UBR1: variants seen among roughly 807,000 people sequenced by gnomAD.
The protein encoded by UBR1 is ubiquitin protein ligase E3 component n-recognin 1, also known as E3 ubiquitin-protein ligase UBR1.
In UBR1, 102 loss-of-function variants were observed where a neutral mutation model predicts 242.1. That is an observed-to-expected ratio of 0.42 (90% CI 0.36 to 0.50). UBR1 has a LOEUF of 0.50. UBR1 is among the 20% of genes least tolerant of loss of function. The pLI, the probability that UBR1 is intolerant of heterozygous loss-of-function variation, is 0.01. For synonymous variants in UBR1, 675 were observed against 684.8 expected, an observed-to-expected ratio of 0.99 and a Z score of 0.22; for missense variants, 1,772 against 2,101.8, an observed-to-expected ratio of 0.84 and a Z score of 3.07.
At chr15:43,071,441 T>C (rs2033823790) in intron 4 of UBR1, among the ~76,000 whole-genome samples, 1 of 152,224 alleles carries the variant, frequency 6.6e-6, no homozygotes, top group African/African-American at 2.4e-5. Context: ...AGAAAGGTGG[T>C]TGCCAAAGGC....
chr15:43,097,440 G>C (rs985217518), intron 1 of UBR1, among the ~76,000 whole-genome samples: 25 of 152,334 alleles, frequency 1.6e-4, no homozygotes, highest in Non-Finnish European at 2.9e-4. Context: ...GCTAGCAAGA[G>C]AGTCAGCCTG....
intron 19 of UBR1, among the ~76,000 whole-genome samples, chr15:43,033,175 T>A (rs2033280050): frequency 6.6e-6 from 1 of 152,106 alleles, no homozygotes; most frequent in African/African-American, 2.4e-5. Flanking sequence ...GCGCCACTGC[T>A]CCTGGCTATC....
At position 43,030,008 on chromosome 15, in the gene UBR1, A is replaced by C; in HGVS notation, c.2315T>G (p.Ile772Ser). The C allele has an allele frequency of 6.2e-7, 1 of 1,614,056 alleles. No individual in the cohort carries two copies. Among genetic ancestry groups the C allele is most frequent in the Non-Finnish European group, 8.5e-7 (1 of 1,179,968 alleles). The change falls in exon 21 of 47, where the codon ATC (isoleucine) becomes AGC (serine). Residue 772 changes from isoleucine (I) to serine (S), a missense_variant. Physicochemically the swap from Ile to Ser is moderately radical, Grantham distance 142. This residue lies in a region of UBR1 where 73 missense variants were observed against 128.9 expected (regional missense o/e 0.57). Transcript: ENST00000290650. ...VTKEEVTMRE[I>S]IHLLCIEPMP... ...GGGTTCAATGCAAAGCAAGTGAATG[A>C]TTTCTCTCATTGTGACCTCTTCTTT...
chr15:43,028,540 T>C (rs1432379740), intron 21 of UBR1, among the ~76,000 whole-genome samples: 1 of 149,264 alleles, frequency 6.7e-6, no homozygotes, highest in African/African-American at 2.5e-5. Flanking sequence ...AGGTCAGGAG[T>C]TCGAGACCAG....
chr15:42,985,400 T>G (rs1411959304), intron 35 of UBR1, among the ~76,000 whole-genome samples: 2 of 152,176 alleles, frequency 1.3e-5, no homozygotes, highest in African/African-American at 4.8e-5. Flanking sequence ...TTGCCCAAGC[T>G]GGAGTGCAAT....
intron 27 of UBR1, 110 bp from the exon 28 acceptor site, chr15:43,017,291 C>T (rs1473060025): frequency 1.3e-6 from 1 of 750,160 alleles, no homozygotes; most frequent in Non-Finnish European, 2.3e-6. Flanking sequence ...ATGTCTTTCA[C>T]TTAAACTATT....
intron 12 of UBR1, among the ~76,000 whole-genome samples, chr15:43,052,524 A>G (rs1333361929): frequency 6.6e-6 from 1 of 152,220 alleles, no homozygotes; most frequent in Non-Finnish European, 1.5e-5. Context: ...TAGTACCAAC[A>G]AACTTATTTC....
chr15:43,087,511 G>C (rs958669651), intron 1 of UBR1, among the ~76,000 whole-genome samples: 1 of 152,090 alleles, frequency 6.6e-6, no homozygotes, highest in Non-Finnish European at 1.5e-5. Context: ...GGCTTTTTTA[G>C]TTTGTACTAA....
intron 35 of UBR1, among the ~76,000 whole-genome samples, chr15:42,986,299 G>A (rs1184988090): frequency 6.6e-6 from 1 of 152,134 alleles, no homozygotes; most frequent in Non-Finnish European, 1.5e-5. Flanking sequence ...CATTATGCCT[G>A]CTTGATAGAA....
Position 42,951,086 on chromosome 15 carries a change from C to T in UBR1, c.5007-723G>A, listed in dbSNP as rs1455384477. Among the ~76,000 whole-genome samples, 12 of 152,062 alleles carry T rather than the reference C, an allele frequency of 7.9e-5. 1 individual carries two copies. Among genetic ancestry groups the T allele is most frequent in the Admixed American group, 7.9e-4 (12 of 15,258 alleles). On this transcript the variant is annotated intron_variant, in intron 45 of 46. Coordinates refer to ENST00000290650, the MANE Select transcript of UBR1 (RefSeq NM_174916.3). Reference sequence around the variant, plus strand: ...CTATGAACAATGATTACATATTTCACAGTTAGAAAGACATTTGGCTTTATG... The same window carrying T: ...CTATGAACAATGATTACATATTTCATAGTTAGAAAGACATTTGGCTTTATG...
In UBR1 at chr15:43,026,680, T is replaced by C; in HGVS notation, c.2433-17A>G. On this transcript the variant is annotated splice_polypyrimidine_tract_variant and intron_variant, in intron 22 of 46. Coordinates refer to ENST00000290650, the MANE Select transcript of UBR1 (RefSeq NM_174916.3). ...CCTGGTTTCCTAAATAGATGGAAAA[T>C]ACAAGATGAACTGCAGTGTTCTTGA... is the stretch of plus-strand genomic sequence containing the variant. 6.3e-7 allele frequency: 1 copy of C among 1,593,378 alleles called. No homozygotes were observed. Among genetic ancestry groups the C allele is most frequent in the Non-Finnish European group, 8.6e-7 (1 of 1,162,892 alleles).
intron 29 of UBR1, among the ~76,000 whole-genome samples, chr15:43,015,021 T>G (rs1207268293): frequency 2.4e-5 from 3 of 124,276 alleles, no homozygotes; most frequent in South Asian, 2.7e-4. Context: ...GGAGGGAGGT[T>G]GGGGGTCAGC....
chr15:43,020,049 C>CT (rs1567127860), intron 27 of UBR1, among the ~76,000 whole-genome samples: 2 of 151,312 alleles, frequency 1.3e-5, no homozygotes, highest in Admixed American at 1.3e-4. Context: ...CTTTGATTTC[C>CT]TTTTTTCTGA....
chr15:42,993,857 A>G (rs1028114709), intron 33 of UBR1, among the ~76,000 whole-genome samples: 8 of 151,830 alleles, frequency 5.3e-5, no homozygotes, highest in Non-Finnish European at 8.8e-5. Context: ...AAAAGGCTGT[A>G]ATGACCATAT....
At chr15:43,080,447 G>A (rs2033962952) in intron 3 of UBR1, among the ~76,000 whole-genome samples, 1 of 151,972 alleles carries the variant, frequency 6.6e-6, no homozygotes, top group South Asian at 2.1e-4. Flanking sequence ...TCATACAGTT[G>A]GAATCATACA....
At chr15:42,974,438 C>A (rs1159994014) in intron 39 of UBR1, among the ~76,000 whole-genome samples, 1 of 152,130 alleles carries the variant, frequency 6.6e-6, no homozygotes, top group Non-Finnish European at 1.5e-5. Context: ...TTTGTCTAAT[C>A]TTTTGCCAAC....
intron 3 of UBR1, among the ~76,000 whole-genome samples, chr15:43,075,669 G>A (rs902399570): frequency 6.6e-6 from 1 of 150,730 alleles, no homozygotes; most frequent in South Asian, 2.1e-4. Context: ...AGGCTGGAGT[G>A]CAATGGCGTG....
rs765112814 is a variant in UBR1 at position 43,054,730 on chromosome 15, T to C, written c.1439+12A>G. ...TAACAGGTGCCCTCACCTTTTGACTTGAACAACTTACTTTAGGTCACATAT... is the reference window on the plus strand; with the variant it reads ...TAACAGGTGCCCTCACCTTTTGACTCGAACAACTTACTTTAGGTCACATAT... On this transcript the variant is annotated intron_variant, in intron 12 of 46. Coordinates refer to ENST00000290650, the MANE Select transcript of UBR1 (RefSeq NM_174916.3). The C allele has an allele frequency of 5.6e-6, 9 of 1,613,904 alleles. No individual in the cohort carries two copies. The South Asian group carries it at 8.8e-5, about 16-fold the overall frequency.
chr15:43,000,547 C>T (rs1229686778), intron 32 of UBR1, among the ~76,000 whole-genome samples: 1 of 152,158 alleles, frequency 6.6e-6, no homozygotes, highest in Non-Finnish European at 1.5e-5. Context: ...TTAGGTAAGG[C>T]TTTGGAGTCA....
Sources: gnomAD v4.1 joint callset for allele counts (sites outside exome capture counted in the v4.1 genomes callset) on GRCh38, gnomAD v4.1.1 for gene constraint, gnomAD v4.1.1 regional missense constraint, MANE v1.5 for transcripts, NCBI Gene and HGNC (gene_info 2026-07-23, HGNC 2026-07-21) for gene names.